Variants in SOCS2 observed in about 807,000 individuals in gnomAD.
SOCS2 encodes suppressor of cytokine signaling 2.
In SOCS2, 10 loss-of-function variants were observed where a neutral mutation model predicts 18.6. That is an observed-to-expected ratio of 0.54 (90% CI 0.33 to 0.91). The LOEUF (loss-of-function observed/expected upper bound fraction) is 0.91. Among genes scored for constraint, SOCS2 ranks in the 40% least tolerant of loss-of-function variants. The probability of loss-of-function intolerance (pLI) is 0.02; values close to 1 mark genes in which losing one functional copy is unlikely to be tolerated. For missense variants in SOCS2, 231 were observed against 247.2 expected, an observed-to-expected ratio of 0.93 and a Z score of 0.44; for synonymous variants, 104 against 104.0, an observed-to-expected ratio of 1.00 and a Z score of 0.00.
the SOCS2 span, among the ~76,000 whole-genome samples, chr12:93,621,244 A>G: frequency 6.6e-6 from 1 of 152,290 alleles, no homozygotes; most frequent in East Asian, 1.9e-4. Context: ...AAAATACCAA[A>G]CTGTCTTTCT....
At chr12:93,591,649 T>C in the SOCS2 span, among the ~76,000 whole-genome samples, 228 of 152,244 alleles carry the variant, frequency 1.5e-3, 8 homozygotes, top group East Asian at 0.039. Flanking sequence ...CACGGAGCTG[T>C]GGCGTGGCGG....
chr12:93,624,256 T>G, the SOCS2 span, among the ~76,000 whole-genome samples: 1 of 152,202 alleles, frequency 6.6e-6, no homozygotes, highest in Non-Finnish European at 1.5e-5. Context: ...GACTTTGGAC[T>G]TCCCAGCTTC....
At chr12:93,624,549 A>C in the SOCS2 span, among the ~76,000 whole-genome samples, 1 of 150,264 alleles carries the variant, frequency 6.7e-6, no homozygotes, top group Non-Finnish European at 1.5e-5. Context: ...TCAGCCTGGC[A>C]ACAGAGAGAG....
chr12:93,611,885 A>C, the SOCS2 span, among the ~76,000 whole-genome samples: 2 of 151,966 alleles, frequency 1.3e-5, no homozygotes, highest in African/African-American at 4.8e-5. Context: ...CATCTATCAC[A>C]AAGGAGGCCT....
the SOCS2 span, among the ~76,000 whole-genome samples, chr12:93,599,987 CT>C: frequency 6.6e-6 from 1 of 152,154 alleles, no homozygotes; most frequent in Non-Finnish European, 1.5e-5. Flanking sequence ...CCAGTTTTAG[CT>C]TGTCTTTTCA....
the SOCS2 span, among the ~76,000 whole-genome samples, chr12:93,601,399 C>T: frequency 6.6e-6 from 1 of 152,054 alleles, no homozygotes; most frequent in Non-Finnish European, 1.5e-5. Context: ...CTTAGCCTCC[C>T]AAGTAGCTGG....
chr12:93,614,483 CCTTCCTTCCTT>C, the SOCS2 span, among the ~76,000 whole-genome samples: 10 of 22,990 alleles, frequency 4.3e-4, no homozygotes, highest in African/African-American at 7.8e-4. Context: ...TCCTTCCTTT[CCTTCCTTCCTT>C]CCTTCCTTCC....
chr12:93,614,496 C>A, the SOCS2 span, among the ~76,000 whole-genome samples: 1 of 40,996 alleles, frequency 2.4e-5, no homozygotes, highest in African/African-American at 1.6e-4. Flanking sequence ...TCCTTCCTTC[C>A]TTCCTTCCTT....
At chr12:93,605,813 G>A in the SOCS2 span, among the ~76,000 whole-genome samples, 2 of 152,190 alleles carry the variant, frequency 1.3e-5, no homozygotes, top group Non-Finnish European at 2.9e-5. Flanking sequence ...GGCAGTAGAG[G>A]CAGAATTCAT....
At chr12:93,593,725 C>T in the SOCS2 span, among the ~76,000 whole-genome samples, 2 of 152,146 alleles carry the variant, frequency 1.3e-5, no homozygotes, top group East Asian at 3.8e-4. Context: ...CCCACTCATC[C>T]TGAAAACTCA....
chr12:93,584,484 G>T (rs781593268), downstream of SOCS2, among the ~76,000 whole-genome samples: 3 of 152,070 alleles, frequency 2.0e-5, no homozygotes, highest in Non-Finnish European at 4.4e-5. Context: ...CAAAAGCCAT[G>T]GTTTTCTCAC....
At chr12:93,594,151 C>T in the SOCS2 span, among the ~76,000 whole-genome samples, 8 of 152,140 alleles carry the variant, frequency 5.3e-5, no homozygotes, top group Non-Finnish European at 7.4e-5. Flanking sequence ...AAGAACAAAT[C>T]GGTTTCTCAG....
chr12:93,621,623 C>A, the SOCS2 span, among the ~76,000 whole-genome samples: 1 of 152,158 alleles, frequency 6.6e-6, no homozygotes, highest in Non-Finnish European at 1.5e-5. Context: ...ACCACAAGCA[C>A]ACACCATCAT....
the SOCS2 span, among the ~76,000 whole-genome samples, chr12:93,613,418 C>A: frequency 3.3e-5 from 5 of 151,054 alleles, no homozygotes; most frequent in African/African-American, 7.3e-5. Context: ...GAAAAAAAAA[C>A]CAAAAACAAA....
At chr12:93,572,457 T>G (rs1954289633), upstream of SOCS2, 9 of 361,692 alleles carry the variant, frequency 2.5e-5, no homozygotes, top group South Asian at 2.0e-4. The surrounding 1 kb of genome is among the most constrained non-coding windows in gnomAD (Gnocchi z 5.0). Context: ...TTCACCCTCC[T>G]CCTGACCTCC....
intron 1 of SOCS2, chr12:93,582,914 G>A (rs770433673): frequency 2.6e-5 from 4 of 151,598 alleles, no homozygotes; most frequent in Admixed American, 6.6e-5. Context: ...CAGTTTCTAC[G>A]TAGATTGTAG....
chr12:93,602,923 A>C, the SOCS2 span, among the ~76,000 whole-genome samples: 1 of 152,198 alleles, frequency 6.6e-6, no homozygotes, highest in Admixed American at 6.5e-5. Context: ...TTCTAGGTGA[A>C]GTAGCTGACA....
chr12:93,605,438 A>G, the SOCS2 span, among the ~76,000 whole-genome samples: 4 of 152,188 alleles, frequency 2.6e-5, no homozygotes, highest in Admixed American at 2.6e-4. Context: ...CAGGGGCTTC[A>G]ACCATACCTG....
the SOCS2 span, among the ~76,000 whole-genome samples, chr12:93,625,248 C>T: frequency 6.9e-6 from 1 of 145,900 alleles, no homozygotes. Context: ...GTGTCATACA[C>T]ACACAATCTC....
Sources: gnomAD v4.1 joint callset for allele counts (sites outside exome capture counted in the v4.1 genomes callset) on GRCh38, gnomAD v4.1.1 for gene constraint, Gnocchi (gnomAD v3.1) non-coding constraint, MANE v1.5 for transcripts, NCBI Gene and HGNC (gene_info 2026-07-23, HGNC 2026-07-21) for gene names.